The following GASK1A variants were observed in gnomAD, a reference collection of about 807,000 sequenced individuals.
GASK1A encodes golgi associated kinase 1A, also known as Golgi-associated kinase 1A.
Under a neutral mutation model 41.2 loss-of-function variants are expected in GASK1A, and 40 were observed. The ratio of observed to expected loss-of-function variants is 0.97; its 90% CI spans 0.75 to 1.27. GASK1A has a LOEUF of 1.27. Ranked by LOEUF, GASK1A falls within the 50% of genes most tolerant of loss-of-function variation. GASK1A has a pLI of 0.00. For synonymous variants in GASK1A, 316 were observed against 307.1 expected (o/e 1.03, Z -0.30); for missense variants, 678 against 745.1 (o/e 0.91, Z 1.05).
Position 43,056,607 on chromosome 3 carries a change from C to A in GASK1A, c.*221C>A. On this transcript the variant is annotated 3_prime_UTR_variant, in exon 5 of 5. Coordinates refer to ENST00000430121, the MANE Select transcript of GASK1A (RefSeq NM_001129908.3). ...CTGGCTATTTATTCCCTTGCACCAA[C>A]AAATACATTCGAAAATGTTCTGTGA... 2.1e-6 allele frequency: 1 copy of A among 480,986 alleles called. No homozygotes were observed. The highest frequency in any genetic ancestry group is 3.2e-5 in the East Asian group (1 of 31,342). The allele number at this position is 480,986 out of a possible 1,614,324, so 29.8% of individuals were successfully genotyped here.
intron 1 of GASK1A, among the ~76,000 whole-genome samples, chr3:43,029,177 A>G (rs1244978710): frequency 6.6e-6 from 1 of 151,894 alleles, no homozygotes; most frequent in East Asian, 1.9e-4. Flanking sequence ...GTCGCCTTGT[A>G]TTGGCATGTC....
intron 1 of GASK1A, 71 bp downstream of exon 1, chr3:42,979,716 G>C (rs188075981): frequency 8.1e-7 from 1 of 1,239,026 alleles, no homozygotes; most frequent in African/African-American, 1.6e-5. Context: ...TGCAGTCAAC[G>C]CGCAGCGGCC....
chr3:43,003,547 C>T lies in GASK1A; in HGVS notation c.3+23902C>T, dbSNP rs534280786. ...TAGACAGAATCAAACTCAAGTCACTCCCTGCCAGAGTCATCTGGCAGCAGA... is the reference window on the plus strand; with the variant it reads ...TAGACAGAATCAAACTCAAGTCACTTCCTGCCAGAGTCATCTGGCAGCAGA... On this transcript the variant is annotated intron_variant, in intron 1 of 4. Coordinates refer to ENST00000430121, the MANE Select transcript of GASK1A (RefSeq NM_001129908.3). Among the ~76,000 whole-genome samples, 15 of 151,802 alleles carry T rather than the reference C, an allele frequency of 9.9e-5. No homozygotes were observed. The East Asian group carries it at 2.5e-3, about 25-fold the overall frequency.
intron 1 of GASK1A, among the ~76,000 whole-genome samples, chr3:42,997,720 A>G (rs1425663437): frequency 6.6e-6 from 1 of 152,210 alleles, no homozygotes; most frequent in African/African-American, 2.4e-5. Flanking sequence ...TCATTTAATT[A>G]GCATAATGGG....
At chr3:42,990,839 G>A (rs1308135418) in intron 1 of GASK1A, among the ~76,000 whole-genome samples, 1 of 152,234 alleles carries the variant, frequency 6.6e-6, no homozygotes, top group Non-Finnish European at 1.5e-5. Flanking sequence ...AAGGCTCAGA[G>A]GAACCAAATG....
chr3:43,027,345 T>C (rs557413094), intron 1 of GASK1A, among the ~76,000 whole-genome samples: 4 of 152,212 alleles, frequency 2.6e-5, no homozygotes, highest in Admixed American at 2.6e-4. Context: ...CTTCCTATTG[T>C]ACCAATGCGT....
At chr3:42,998,080 C>T (rs965488413) in intron 1 of GASK1A, among the ~76,000 whole-genome samples, 1 of 152,206 alleles carries the variant, frequency 6.6e-6, no homozygotes, top group African/African-American at 2.4e-5. Flanking sequence ...CACACTGCTG[C>T]TGACCACTTC....
intron 1 of GASK1A, among the ~76,000 whole-genome samples, chr3:42,987,516 G>A (rs189936881): frequency 6.6e-6 from 1 of 151,938 alleles, no homozygotes; most frequent in African/African-American, 2.4e-5. Context: ...TATATGAAGA[G>A]AAACCTCATC....
intron 1 of GASK1A, among the ~76,000 whole-genome samples, chr3:43,019,611 A>T (rs1049004444): frequency 6.6e-6 from 1 of 152,156 alleles, no homozygotes; most frequent in African/African-American, 2.4e-5. Context: ...CAAATTCCCA[A>T]ATCTTTGCCA....
chr3:43,014,966 G>A (rs1287784597), intron 1 of GASK1A, among the ~76,000 whole-genome samples: 1 of 151,922 alleles, frequency 6.6e-6, no homozygotes, highest in African/African-American at 2.4e-5. Flanking sequence ...ACAGGAAGTG[G>A]GAATTTGAGG....
intron 1 of GASK1A, among the ~76,000 whole-genome samples, chr3:43,008,337 C>T (rs140996912): frequency 1.1e-4 from 17 of 152,310 alleles, no homozygotes; most frequent in East Asian, 7.7e-4. Context: ...AGGACCTCCA[C>T]GCCTCCATGG....
intron 1 of GASK1A, among the ~76,000 whole-genome samples, chr3:43,029,010 A>G (rs886425934): frequency 1.1e-4 from 17 of 152,082 alleles, no homozygotes; most frequent in Non-Finnish European, 2.5e-4. Context: ...ATGGGGTGTC[A>G]GGTGAGGGGG....
rs1210366625 is a variant in GASK1A, at chr3:43,057,706, C to G, written c.*1320C>G. On this transcript the variant is annotated 3_prime_UTR_variant, in exon 5 of 5. Transcript: ENST00000430121. ...CTGACTTGGTATAAATGTTTTCTTC[C>G]AGCCTCTAATTTGTCTCTTAACTTT... is the stretch of plus-strand genomic sequence containing the variant. 1 of 152,036 alleles carries G rather than the reference C, an allele frequency of 6.6e-6. No homozygotes were observed. The allele number at this position is 152,036 out of a possible 1,614,324, so 9.4% of individuals were successfully genotyped here. A position where few individuals can be genotyped will look rare whatever the true frequency, so the allele number is the denominator to read the frequency against.
At chr3:42,995,902 G>A (rs2089366705) in intron 1 of GASK1A, among the ~76,000 whole-genome samples, 1 of 152,184 alleles carries the variant, frequency 6.6e-6, no homozygotes, top group Non-Finnish European at 1.5e-5. Flanking sequence ...AGAGCAAAAT[G>A]TGTGGCTGTT....
Position 43,032,433 on chromosome 3 carries a change from C to T in GASK1A, c.170C>T (p.Ala57Val), listed in dbSNP as rs1456895091. Reference protein sequence around the residue: ...MEPQGVTGAPATHIRQALSSS... With the variant: ...MEPQGVTGAPVTHIRQALSSS... ...CCTCAGGGGGTAACTGGCGCCCCTG[C>T]AACCCATATCCGGCAGGCTTTGAGC... Residue 57 changes from alanine (A) to valine (V), a missense_variant, in exon 2 of 5, where the codon GCA (alanine) becomes GTA (valine). Coordinates refer to ENST00000430121, the MANE Select transcript of GASK1A (RefSeq NM_001129908.3). 3 of 1,551,210 alleles carry T rather than the reference C, an allele frequency of 1.9e-6. No homozygotes were observed. Among genetic ancestry groups the T allele is most frequent in the Admixed American group, 3.9e-5 (2 of 50,982 alleles).
At chr3:43,007,483 C>T (rs903759325) in intron 1 of GASK1A, among the ~76,000 whole-genome samples, 7 of 152,306 alleles carry the variant, frequency 4.6e-5, no homozygotes, top group Non-Finnish European at 5.9e-5. Context: ...CTTAAGTCGA[C>T]TTTCAGCCAA....
At chr3:43,029,368 C>A (rs150350848) in intron 1 of GASK1A, among the ~76,000 whole-genome samples, 43 of 152,186 alleles carry the variant, frequency 2.8e-4, no homozygotes, top group Admixed American at 2.2e-3. Flanking sequence ...ACTTACTGGG[C>A]AATGGTGGTG....
intron 1 of GASK1A, among the ~76,000 whole-genome samples, chr3:43,004,629 C>A (rs541696358): frequency 6.6e-6 from 1 of 152,118 alleles, no homozygotes; most frequent in Non-Finnish European, 1.5e-5. Flanking sequence ...TTATTCACTC[C>A]CCTCTATGGA....
chr3:43,004,235 A>G (rs2089423703), intron 1 of GASK1A, among the ~76,000 whole-genome samples: 1 of 152,194 alleles, frequency 6.6e-6, no homozygotes, highest in South Asian at 2.1e-4. Context: ...CAGGCCATGG[A>G]AAATAAAACC....
Sources: gnomAD v4.1 joint callset for allele counts (sites outside exome capture counted in the v4.1 genomes callset) on GRCh38, gnomAD v4.1.1 for gene constraint, MANE v1.5 for transcripts, NCBI Gene and HGNC (gene_info 2026-07-23, HGNC 2026-07-21) for gene names.